CDH12: variants seen among roughly 807,000 people sequenced by gnomAD.
CDH12 encodes cadherin 12.
CDH12 carries 41 observed loss-of-function variants against 74.1 expected under a neutral mutation model. The observed-to-expected ratio is 0.55, with a 90% CI of 0.43 to 0.72. CDH12 has a LOEUF of 0.72. Among genes scored for constraint, CDH12 ranks in the 30% least tolerant of loss-of-function variants. The probability of loss-of-function intolerance (pLI) is 0.00; values close to 1 mark genes in which losing one functional copy is unlikely to be tolerated. For synonymous variants in CDH12, 399 were observed against 355.0 expected (o/e 1.12, Z -1.39); for missense variants, 945 against 977.2 (o/e 0.97, Z 0.44).
At chr5:21,785,557 A>G (rs1359083161) in intron 10 of CDH12, among the ~76,000 whole-genome samples, 1 of 152,176 alleles carries the variant, frequency 6.6e-6, no homozygotes, top group Admixed American at 6.5e-5. Context: ...TTAAAAAGCA[A>G]ATGAGTTTTA....
chr5:21,906,921 C>T (rs2150059542), intron 6 of CDH12, among the ~76,000 whole-genome samples: 1 of 152,312 alleles, frequency 6.6e-6, no homozygotes, highest in Non-Finnish European at 1.5e-5. Context: ...AGAATATCCT[C>T]CCTCCTCAGC....
intron 2 of CDH12, among the ~76,000 whole-genome samples, chr5:22,465,342 C>T (rs1026055026): frequency 6.6e-6 from 1 of 152,098 alleles, no homozygotes; most frequent in African/African-American, 2.4e-5. Context: ...ATTTAGATGA[C>T]TCATAAAGAT....
At chr5:22,791,144 A>G (rs549645636) in intron 1 of CDH12, among the ~76,000 whole-genome samples, 1 of 152,318 alleles carries the variant, frequency 6.6e-6, no homozygotes, top group South Asian at 2.1e-4. Flanking sequence ...TGTGGAAACA[A>G]TATATATCAA....
chr5:21,875,058 T>G (rs887634790), intron 6 of CDH12, among the ~76,000 whole-genome samples: 1 of 152,186 alleles, frequency 6.6e-6, no homozygotes, highest in Non-Finnish European at 1.5e-5. Context: ...GAATGGTGAT[T>G]ATTAAAGAAT....
intron 1 of CDH12, among the ~76,000 whole-genome samples, chr5:22,724,588 A>G (rs1211226430): frequency 6.6e-6 from 1 of 151,976 alleles, no homozygotes; most frequent in Non-Finnish European, 1.5e-5. Context: ...GCTGAGTAGT[A>G]TTCCATGGTG....
intron 2 of CDH12, among the ~76,000 whole-genome samples, chr5:22,491,582 T>A (rs1580702612): frequency 9.0e-5 from 6 of 66,858 alleles, no homozygotes; most frequent in African/African-American, 1.7e-4. Context: ...ACACAGAAAA[T>A]ACACCAACAG....
chr5:22,188,013 C>T (rs1158618717), intron 4 of CDH12, among the ~76,000 whole-genome samples: 1 of 151,584 alleles, frequency 6.6e-6, no homozygotes, highest in Non-Finnish European at 1.5e-5. Context: ...TGCCCTATAG[C>T]AGGAAGGGCA....
At chr5:22,758,396 T>C (rs1271222774) in intron 1 of CDH12, among the ~76,000 whole-genome samples, 1 of 152,134 alleles carries the variant, frequency 6.6e-6, no homozygotes, top group African/African-American at 2.4e-5. Flanking sequence ...GCAGCAGCAG[T>C]GGGCATGTGT....
chr5:22,490,228 A>G (rs1366491507), intron 2 of CDH12, among the ~76,000 whole-genome samples: 1 of 152,194 alleles, frequency 6.6e-6, no homozygotes, highest in Non-Finnish European at 1.5e-5. Flanking sequence ...CACTCACAGG[A>G]AAAACACAAC....
At chr5:22,114,741 A>G (rs1234934791) in intron 4 of CDH12, among the ~76,000 whole-genome samples, 1 of 152,172 alleles carries the variant, frequency 6.6e-6, no homozygotes, top group Non-Finnish European at 1.5e-5. Context: ...ATTTGAAGCC[A>G]CGTTATGTCA....
At chr5:21,765,928 C>G (rs1027077436) in intron 11 of CDH12, among the ~76,000 whole-genome samples, 1 of 151,970 alleles carries the variant, frequency 6.6e-6, no homozygotes, top group African/African-American at 2.4e-5. Flanking sequence ...GATGGATGAA[C>G]TGTTTTGCTG....
chr5:22,085,867 G>A (rs1249079041), intron 4 of CDH12, among the ~76,000 whole-genome samples: 4 of 152,052 alleles, frequency 2.6e-5, no homozygotes, highest in Admixed American at 6.6e-5. Flanking sequence ...ATTATAATCA[G>A]TAAATATTTA....
intron 1 of CDH12, among the ~76,000 whole-genome samples, chr5:22,722,456 T>A (rs981991984): frequency 6.6e-6 from 1 of 152,192 alleles, no homozygotes; most frequent in African/African-American, 2.4e-5. Flanking sequence ...GTTATACAGT[T>A]AAAATTCATA....
intron 3 of CDH12, among the ~76,000 whole-genome samples, chr5:22,387,309 TA>T (rs1173456070): frequency 6.6e-6 from 1 of 152,138 alleles, no homozygotes; most frequent in Non-Finnish European, 1.5e-5. Context: ...TAATGTACAT[TA>T]AAAAAGTAAT....
At chr5:22,297,156 G>C (rs1737664261) in intron 3 of CDH12, among the ~76,000 whole-genome samples, 1 of 151,874 alleles carries the variant, frequency 6.6e-6, no homozygotes, top group African/African-American at 2.4e-5. Flanking sequence ...TGAGTAGCTG[G>C]GGTTACAGGC....
intron 3 of CDH12, among the ~76,000 whole-genome samples, chr5:22,245,972 G>A (rs938235293): frequency 2.6e-5 from 4 of 152,120 alleles, no homozygotes; most frequent in African/African-American, 7.2e-5. Flanking sequence ...GTGCCAGAGA[G>A]GGAGATCAAT....
chr5:21,974,423 T>C (rs994761813), intron 6 of CDH12, among the ~76,000 whole-genome samples: 62 of 152,288 alleles, frequency 4.1e-4, no homozygotes, highest in African/African-American at 1.4e-3. Context: ...TTTAGGCTGA[T>C]ATGGAAATGT....
At chr5:21,884,597 C>A (rs1406981354) in intron 6 of CDH12, among the ~76,000 whole-genome samples, 2 of 152,130 alleles carry the variant, frequency 1.3e-5, no homozygotes, top group Non-Finnish European at 2.9e-5. Flanking sequence ...TGCTTTCAAC[C>A]TAAATCACTG....
At chr5:22,382,679 T>C (rs1741819736) in intron 3 of CDH12, among the ~76,000 whole-genome samples, 1 of 152,178 alleles carries the variant, frequency 6.6e-6, no homozygotes, top group Admixed American at 6.5e-5. Context: ...ATATACAACC[T>C]GCCATCTTTA....
Sources: gnomAD v4.1 joint callset for allele counts (sites outside exome capture counted in the v4.1 genomes callset) on GRCh38, gnomAD v4.1.1 for gene constraint, MANE v1.5 for transcripts, NCBI Gene and HGNC (gene_info 2026-07-23, HGNC 2026-07-21) for gene names.